Variants in GRID2 observed in about 807,000 individuals in gnomAD.
GRID2 encodes the protein glutamate receptor ionotropic, delta-2.
Under a neutral mutation model 114.8 loss-of-function variants are expected in GRID2, and 33 were observed. The ratio of observed to expected loss-of-function variants is 0.29; its 90% confidence interval spans 0.22 to 0.38. The LOEUF is 0.38. Ranked by LOEUF, GRID2 falls within the 10% of genes least tolerant of loss-of-function variation. The pLI, the probability that GRID2 is intolerant of heterozygous loss-of-function variation, is 1.00. For missense variants in GRID2, 1,184 were observed against 1,257.7 expected (o/e 0.94, Z 0.89); for synonymous variants, 505 against 449.9 (o/e 1.12, Z -1.55).
intron 1 of GRID2, among the ~76,000 whole-genome samples, chr4:92,518,923 T>C (rs1354576190): frequency 6.6e-6 from 1 of 151,822 alleles, no homozygotes; most frequent in African/African-American, 2.4e-5. Context: ...AAATAGCCTA[T>C]TGGGATAAAA....
chr4:93,265,851 C>T (rs1750765882), intron 8 of GRID2, among the ~76,000 whole-genome samples: 1 of 152,122 alleles, frequency 6.6e-6, no homozygotes, highest in African/African-American at 2.4e-5. Context: ...TAGAGGAGAG[C>T]TTTAGTACCC....
chr4:92,395,962 A>G (rs988993944), intron 1 of GRID2, among the ~76,000 whole-genome samples: 7 of 151,880 alleles, frequency 4.6e-5, no homozygotes, highest in Admixed American at 3.9e-4. Context: ...ATACGTAATA[A>G]CCTATTAGTA....
chr4:93,034,791 A>C (rs1447455809), intron 2 of GRID2, among the ~76,000 whole-genome samples: 1 of 152,192 alleles, frequency 6.6e-6, no homozygotes, highest in Non-Finnish European at 1.5e-5. Flanking sequence ...CTTAGAACAT[A>C]ATGAAAAATG....
intron 7 of GRID2, among the ~76,000 whole-genome samples, chr4:93,235,507 A>G (rs1250118401): frequency 6.6e-6 from 1 of 152,108 alleles, no homozygotes; most frequent in Non-Finnish European, 1.5e-5. Flanking sequence ...AAAAAGCTTT[A>G]AAGCGCTGGA....
At chr4:93,707,320 GTCA>G (rs376120363) in intron 14 of GRID2, among the ~76,000 whole-genome samples, 8 of 152,098 alleles carry the variant, frequency 5.3e-5, no homozygotes, top group African/African-American at 1.9e-4. Context: ...CAGCTGTGAA[GTCA>G]TCAGGTTCTA....
At chr4:93,323,463 T>C (rs865811024) in intron 8 of GRID2, among the ~76,000 whole-genome samples, 5 of 152,298 alleles carry the variant, frequency 3.3e-5, no homozygotes, top group Middle Eastern at 6.8e-3. Flanking sequence ...TGTAGTATAG[T>C]TTGAAGTCAG....
chr4:92,910,216 A>T (rs574205835), intron 2 of GRID2, among the ~76,000 whole-genome samples: 67 of 146,706 alleles, frequency 4.6e-4, no homozygotes, highest in African/African-American at 1.0e-3. Context: ...AAATAAAAAT[A>T]AAAAAAAAAA....
At chr4:93,158,274 C>T (rs1030804476) in intron 4 of GRID2, among the ~76,000 whole-genome samples, 13 of 151,762 alleles carry the variant, frequency 8.6e-5, no homozygotes, top group African/African-American at 3.1e-4. Context: ...GCTGAAGCAG[C>T]GAATACTCTT....
intron 2 of GRID2, among the ~76,000 whole-genome samples, chr4:92,689,475 G>T (rs1734074316): frequency 6.6e-6 from 1 of 152,218 alleles, no homozygotes; most frequent in South Asian, 2.1e-4. Flanking sequence ...CACAGCAGAA[G>T]GTGACTTGCG....
At chr4:93,580,872 T>A (rs1407747522) in intron 13 of GRID2, among the ~76,000 whole-genome samples, 1 of 144,880 alleles carries the variant, frequency 6.9e-6, no homozygotes, top group Non-Finnish European at 1.5e-5. Context: ...ATTTGCAAAT[T>A]GTCATTATAT....
chr4:92,903,149 T>C (rs755700181), intron 2 of GRID2, among the ~76,000 whole-genome samples: 8 of 151,862 alleles, frequency 5.3e-5, no homozygotes, highest in African/African-American at 1.9e-4. Flanking sequence ...TTAGTCAGTG[T>C]GGTCATTTTA....
chr4:93,395,677 G>A lies in GRID2; in HGVS notation c.1316G>A (p.Arg439His), dbSNP rs779881068. The change falls in exon 9 of 16, where the codon CGT becomes CAT. Residue 439 changes from arginine (R) to histidine (H), a missense_variant. Around this residue, in one of 3 missense-constraint regions of GRID2, gnomAD observed 717 missense variants for 796.9 expected, o/e 0.90. Transcript: ENST00000282020. Reference sequence around the variant, plus strand: ...GACAAGAAATTGGAGAATAACATGCGTGGAGTGGTTCTACGTGTAGTAACT... The same window carrying A: ...GACAAGAAATTGGAGAATAACATGCATGGAGTGGTTCTACGTGTAGTAACT... ...LTDKKLENNMRGVVLRVVTVL... is the reference protein window; with the variant it reads ...LTDKKLENNMHGVVLRVVTVL... 31 of 1,569,462 alleles carry A rather than the reference G, an allele frequency of 2.0e-5. No homozygotes were observed. Among genetic ancestry groups the A allele is most frequent in the African/African-American group, 4.1e-5 (3 of 73,850 alleles).
chr4:92,641,298 A>T (rs912504178), intron 2 of GRID2, among the ~76,000 whole-genome samples: 38 of 151,530 alleles, frequency 2.5e-4, no homozygotes, highest in Middle Eastern at 3.2e-3. Context: ...TACTTTATTA[A>T]ATTTAATTTT....
intron 2 of GRID2, among the ~76,000 whole-genome samples, chr4:92,596,661 C>A (rs756106826): frequency 2.6e-5 from 4 of 151,358 alleles, no homozygotes; most frequent in African/African-American, 4.9e-5. Context: ...ACAAATAATT[C>A]TATGCTTGTT....
chr4:93,510,679 T>G (rs906152323), intron 12 of GRID2, among the ~76,000 whole-genome samples: 1 of 152,076 alleles, frequency 6.6e-6, no homozygotes, highest in Non-Finnish European at 1.5e-5. Flanking sequence ...TTCAACAATA[T>G]TTATAAAGAA....
At chr4:92,794,874 T>TTATATATATATATATATATATATATA (rs34559735) in intron 2 of GRID2, among the ~76,000 whole-genome samples, 4 of 106,032 alleles carry the variant, frequency 3.8e-5, no homozygotes, top group African/African-American at 1.2e-4. Flanking sequence ...AATAATTGTT[T>TTATATATATATATATATATATATATA]TATATATATA....
intron 14 of GRID2, among the ~76,000 whole-genome samples, chr4:93,712,613 T>C (rs1317466500): frequency 1.3e-5 from 2 of 152,174 alleles, no homozygotes; most frequent in Admixed American, 1.3e-4. Context: ...AAACCATCTC[T>C]CACTTAAATC....
In GRID2 at chr4:93,140,303, C is replaced by T. The variant is rs575703005; in HGVS notation, c.735+29350C>T. On this transcript the variant is annotated intron_variant, in intron 4 of 15. Transcript: ENST00000282020. ...CCTCCTGAGTAGCTGGGACTACAGGCGCCCACCACTACGCCTGGCTAATTT... is the reference window on the plus strand; with the variant it reads ...CCTCCTGAGTAGCTGGGACTACAGGTGCCCACCACTACGCCTGGCTAATTT... 5.3e-5 allele frequency among the ~76,000 whole-genome samples: 8 copies of T among 151,934 alleles called. No individual in the cohort carries two copies. The South Asian group carries it at 8.3e-4, about 16-fold the overall frequency.
At chr4:92,391,338 CA>C (rs1226001436) in intron 1 of GRID2, among the ~76,000 whole-genome samples, 1 of 152,106 alleles carries the variant, frequency 6.6e-6, no homozygotes, top group Non-Finnish European at 1.5e-5. Context: ...TTACTTTCAG[CA>C]CCTTCCTCCT....
Sources: allele counts gnomAD v4.1 joint callset (sites outside exome capture counted in the v4.1 genomes callset), GRCh38; gene constraint gnomAD v4.1.1; regional missense constraint gnomAD v4.1.1; transcripts MANE v1.5; gene names NCBI Gene and HGNC (gene_info 2026-07-23, HGNC 2026-07-21).